SNX8: variants seen among roughly 807,000 people sequenced by gnomAD.
SNX8 encodes sorting nexin 8.
In SNX8, 25 loss-of-function variants were observed where a neutral mutation model predicts 51.6. That is an observed-to-expected ratio of 0.48 (90% confidence interval 0.35 to 0.68). SNX8 has a LOEUF of 0.68. Among genes scored for constraint, SNX8 ranks in the 30% least tolerant of loss-of-function variants. The probability of loss-of-function intolerance (pLI) is 0.00; values close to 1 mark genes in which losing one functional copy is unlikely to be tolerated. For synonymous variants in SNX8, 324 were observed against 277.0 expected (o/e 1.17, Z -1.68); for missense variants, 695 against 624.0 (o/e 1.11, Z -1.21).
At chr7:2,286,762 T>TAGCC in intron 1 of SNX8, among the ~76,000 whole-genome samples, 6 of 151,946 alleles carry the variant, frequency 3.9e-5, no homozygotes. Flanking sequence ...TCGTGATCCA[T>TAGCC]GCCTCAGCCT....
Position 2,281,469 on chromosome 7 carries a change from C to T in SNX8, c.95-3164G>A, listed in dbSNP as rs146632158. ...AACATCATTTCAAATGGGTACACTG[C>T]CAGGTGACGGACCACACACTGCAGA... On this transcript the variant is annotated intron_variant, in intron 1 of 10. Transcript: ENST00000222990. 1.7e-3 allele frequency among the ~76,000 whole-genome samples: 263 copies of T among 151,916 alleles called. 1 individual carries two copies. In the East Asian group the frequency reaches 0.019, roughly 11 times the overall value.
chr7:2,271,805 G>C (rs777746467), intron 4 of SNX8, 45 bp downstream of exon 4: 16 of 1,561,844 alleles, frequency 1.0e-5, no homozygotes, highest in Non-Finnish European at 1.4e-5. Flanking sequence ...CCGGAGGCTC[G>C]GGGACTCCCC....
intron 1 of SNX8, among the ~76,000 whole-genome samples, chr7:2,351,685 G>C (rs1188392724): frequency 2.0e-5 from 3 of 151,746 alleles, no homozygotes; most frequent in Non-Finnish European, 2.9e-5. Flanking sequence ...CAAAAAATTA[G>C]CCGGGTGTGG....
chr7:2,257,139 A>G (rs969879663), intron 9 of SNX8, 116 bp from the exon 10 acceptor site: 1 of 1,306,810 alleles, frequency 7.7e-7, no homozygotes, highest in African/African-American at 1.5e-5. Flanking sequence ...AGCCTTCACC[A>G]GGCATTTGGA....
rs1204871115 is a variant in SNX8, at chr7:2,255,475, G to A, written c.1285-306C>T. On this transcript the variant is annotated intron_variant, in intron 10 of 10. Transcript: ENST00000222990. ...AAACGTTACTATCGCGTCACTGCCA[G>A]TACATGCTCTAGCTGCCGTGCGGGC... Among the ~76,000 whole-genome samples, 3 of 152,240 alleles carry A rather than the reference G, an allele frequency of 2.0e-5. No individual in the cohort carries two copies. The East Asian group carries it at 5.8e-4, about 29-fold the overall frequency.
At chr7:2,281,187 G>A (rs1311229932) in intron 1 of SNX8, among the ~76,000 whole-genome samples, 1 of 152,112 alleles carries the variant, frequency 6.6e-6, no homozygotes, top group Non-Finnish European at 1.5e-5. Context: ...CACTTTGGGA[G>A]GCTGAGGCAA....
intron 1 of SNX8, among the ~76,000 whole-genome samples, chr7:2,329,303 T>A (rs1052720356): frequency 3.3e-5 from 5 of 150,862 alleles, no homozygotes; most frequent in African/African-American, 1.2e-4. Context: ...AAATAAAAAA[T>A]AAATAAATAA....
chr7:2,278,611 G>A (rs982064568), intron 1 of SNX8, among the ~76,000 whole-genome samples: 11 of 143,780 alleles, frequency 7.7e-5, no homozygotes, highest in South Asian at 2.3e-4. Flanking sequence ...CTACGGAGTC[G>A]ACGCCGGACT....
At chr7:2,342,341 C>A (rs1018193885) in intron 1 of SNX8, among the ~76,000 whole-genome samples, 8 of 151,484 alleles carry the variant, frequency 5.3e-5, no homozygotes, top group African/African-American at 1.9e-4. Flanking sequence ...TAATAATAAT[C>A]TCAAGGGTTT....
At chr7:2,318,651 C>T (rs1056406874), upstream of SNX8, among the ~76,000 whole-genome samples, 4 of 151,302 alleles carry the variant, frequency 2.6e-5, no homozygotes, top group African/African-American at 4.9e-5. Context: ...CCTGAGATTG[C>T]GCCATTGTAC....
rs1302879846 is a variant in SNX8, at chr7:2,310,413, C to T, written c.94+3915G>A. ...CCCGGGTGGGAGGATTGCTTGAGGC[C>T]AGGAGTTCCACACCAGCCTGGGCAA... is the stretch of plus-strand genomic sequence containing the variant. On this transcript the variant is annotated intron_variant, in intron 1 of 10. Transcript: ENST00000222990. Among the ~76,000 whole-genome samples the T allele has an allele frequency of 5.9e-5, 9 of 152,176 alleles. No homozygotes were observed. In the East Asian group the frequency reaches 1.7e-3, roughly 29 times the overall value.
In SNX8 at chr7:2,290,747, A is replaced by C. The variant is rs190787642; in HGVS notation, c.95-12442T>G. 4.6e-4 allele frequency among the ~76,000 whole-genome samples: 70 copies of C among 152,278 alleles called. 1 individual carries two copies. The highest frequency in any genetic ancestry group is 4.2e-3 in the East Asian group (22 of 5,186). ...ACAGCACCAAGCAAAAGCTGCTGACACAAAGAGAACGTAGTCAACAGACCC... is the reference window on the plus strand; with the variant it reads ...ACAGCACCAAGCAAAAGCTGCTGACCCAAAGAGAACGTAGTCAACAGACCC... On this transcript the variant is annotated intron_variant, in intron 1 of 10. Coordinates refer to ENST00000222990, the MANE Select transcript of SNX8 (RefSeq NM_013321.4).
chr7:2,286,106 G>A (rs1228522916), intron 1 of SNX8, among the ~76,000 whole-genome samples: 9 of 151,656 alleles, frequency 5.9e-5, no homozygotes, highest in Non-Finnish European at 8.8e-5. Context: ...CCAAGTCCCA[G>A]GTTCAAGCGA....
At chr7:2,352,700 G>A (rs2115257278) in intron 1 of SNX8, among the ~76,000 whole-genome samples, 1 of 152,220 alleles carries the variant, frequency 6.6e-6, no homozygotes, top group East Asian at 1.9e-4. Flanking sequence ...GCCAGGCGTG[G>A]TGGCGGGCAC....
chr7:2,295,314 G>A lies in SNX8; in HGVS notation c.95-17009C>T, dbSNP rs879684767. 7.2e-4 allele frequency among the ~76,000 whole-genome samples: 107 copies of A among 148,270 alleles called. 1 individual carries two copies. The highest frequency in any genetic ancestry group is 2.3e-3 in the African/African-American group (92 of 40,364). ...AGCTACTCGGGAGTCTGAGGCTCGAGAACTGCTTGAACTCAGGAGACGGAG... is the reference window on the plus strand; with the variant it reads ...AGCTACTCGGGAGTCTGAGGCTCGAAAACTGCTTGAACTCAGGAGACGGAG... On this transcript the variant is annotated intron_variant, in intron 1 of 10. Transcript: ENST00000222990.
At chr7:2,348,566 C>A (rs1220377536) in intron 1 of SNX8, among the ~76,000 whole-genome samples, 3 of 151,612 alleles carry the variant, frequency 2.0e-5, no homozygotes, top group African/African-American at 7.2e-5. Flanking sequence ...TGGTCTTGAT[C>A]TCCTGACCTT....
At chr7:2,256,852 G>A (rs766089724) in intron 10 of SNX8, 22 bp downstream of exon 10, 41 of 1,598,104 alleles carry the variant, frequency 2.6e-5, no homozygotes, top group Admixed American at 1.0e-4. Flanking sequence ...CCGAGACGGC[G>A]GCCGGAGCAG....
At chr7:2,344,878 T>G (rs910834604) in intron 1 of SNX8, among the ~76,000 whole-genome samples, 3 of 152,166 alleles carry the variant, frequency 2.0e-5, no homozygotes, top group African/African-American at 7.2e-5. Context: ...GCCTTTTAGA[T>G]CCTTTTAATA....
At chr7:2,319,584 G>A (rs1240006821) in intron 1 of SNX8, among the ~76,000 whole-genome samples, 1 of 152,190 alleles carries the variant, frequency 6.6e-6, no homozygotes, top group Non-Finnish European at 1.5e-5. Flanking sequence ...GGGAGGCTGA[G>A]GTGGGCAGAT....
Sources: allele counts gnomAD v4.1 joint callset (sites outside exome capture counted in the v4.1 genomes callset), GRCh38; gene constraint gnomAD v4.1.1; transcripts MANE v1.5; gene names NCBI Gene and HGNC (gene_info 2026-07-23, HGNC 2026-07-21).